The following NLGN4X variants were observed in gnomAD, a reference collection of about 807,000 sequenced individuals.
NLGN4X encodes the protein neuroligin-4, X-linked.
Under a neutral mutation model 40.3 loss-of-function variants are expected in NLGN4X, and 3 were observed. That is an observed-to-expected ratio of 0.07 (90% CI 0.03 to 0.19). The LOEUF is 0.19. Ranked by LOEUF, NLGN4X falls within the 10% of genes least tolerant of loss-of-function variation. The pLI, the probability that NLGN4X is intolerant of heterozygous loss-of-function variation, is 1.00. For missense variants in NLGN4X, 382 were observed against 708.3 expected, an observed-to-expected ratio of 0.54 and a Z score of 5.23; for synonymous variants, 270 against 306.8, an observed-to-expected ratio of 0.88 and a Z score of 1.25.
At chrX:5,908,264 TAGAATCTACTTCTACCC>T (rs757283717) in intron 4 of NLGN4X, among the ~76,000 whole-genome samples, 2 of 109,939 alleles carry the variant, frequency 1.8e-5, no homozygotes, top group African/African-American at 6.6e-5. Context: ...TTCCTCTGGG[TAGAATCTACTTCTACCC>T]AGAATCTACT....
chrX:6,150,402 C>T (rs773131941), intron 2 of NLGN4X, among the ~76,000 whole-genome samples: 1 of 112,100 alleles, frequency 8.9e-6, no homozygotes, highest in Admixed American at 9.5e-5. Context: ...TACATTTTGC[C>T]ACTTGATTGC....
Position 6,151,044 on chromosome X carries a change from A to G in NLGN4X, c.423T>C (p.Asp141=). The G allele has an allele frequency of 8.3e-7, 1 of 1,211,887 alleles. No individual in the cohort carries two copies. The highest frequency in any genetic ancestry group is 3.0e-5 in the East Asian group (1 of 33,830). The part of the protein sequence containing the change: ...NLDTLMTYVQ[D]QNEDCLYLNI... ...TTAAGTAAAGGCAGTCTTCATTTTG[A>G]TCTTGAACATAGGTCATCAAAGTAT... Residue 141 remains aspartate, a synonymous_variant, in exon 2 of 6, where the codon GAT becomes GAC. Coordinates refer to ENST00000381095, the MANE Select transcript of NLGN4X (RefSeq NM_181332.3).
At chrX:6,023,427 G>C (rs1384320358) in intron 3 of NLGN4X, among the ~76,000 whole-genome samples, 1 of 112,373 alleles carries the variant, frequency 8.9e-6, no homozygotes, top group Non-Finnish European at 1.9e-5. Flanking sequence ...TGATGCTAAA[G>C]TGATACTCAA....
At chrX:6,032,999 T>C (rs2147232883) in intron 2 of NLGN4X, among the ~76,000 whole-genome samples, 1 of 108,293 alleles carries the variant, frequency 9.2e-6, no homozygotes, top group Admixed American at 1.0e-4. Context: ...ATATTAGATA[T>C]CCTGTGAATA....
intron 2 of NLGN4X, among the ~76,000 whole-genome samples, chrX:6,082,109 A>C (rs1159902296): frequency 2.7e-5 from 3 of 112,243 alleles, no homozygotes; most frequent in African/African-American, 9.7e-5. Flanking sequence ...TTTTTACCTA[A>C]ATTGTCTCAA....
chrX:6,060,737 C>T (rs773074896), intron 2 of NLGN4X, among the ~76,000 whole-genome samples: 94 of 111,638 alleles, frequency 8.4e-4, no homozygotes, highest in Non-Finnish European at 1.6e-3. Context: ...ACCCATGTGA[C>T]AATAATGGCC....
chrX:6,149,283 T>C (rs1229103356), intron 2 of NLGN4X, among the ~76,000 whole-genome samples: 3 of 112,060 alleles, frequency 2.7e-5, no homozygotes, highest in Non-Finnish European at 5.6e-5. Context: ...AACTCCTATA[T>C]GAGGAGGCCT....
intron 3 of NLGN4X, among the ~76,000 whole-genome samples, chrX:6,021,051 TCCCTCC>T (rs2036530992): frequency 4.3e-5 from 1 of 23,405 alleles, no homozygotes; most frequent in African/African-American, 2.3e-4. Flanking sequence ...TCTCTCTCCC[TCCCTCC>T]CTCCCTCCCT....
At chrX:6,041,131 C>T (rs2037146250) in intron 2 of NLGN4X, among the ~76,000 whole-genome samples, 1 of 111,092 alleles carries the variant, frequency 9.0e-6, no homozygotes, top group Non-Finnish European at 1.9e-5. Flanking sequence ...CATGAAGAGT[C>T]TATACTAGCC....
At position 6,165,568 on chromosome X, in the gene NLGN4X, TGAA is replaced by T. The variant is rs753401256; in HGVS notation, c.-305-13800_-305-13798del. ...CCAAGCTTTTTAAATGAAAATAACA[TGAA>T]GATTCTAATCTGCCAGATTCTTCAC... On this transcript the variant is annotated intron_variant, in intron 1 of 5. Coordinates refer to ENST00000381095, the MANE Select transcript of NLGN4X (RefSeq NM_181332.3). Among the ~76,000 whole-genome samples the T allele has an allele frequency of 1.2e-4, 13 of 112,103 alleles. No homozygotes were observed. The East Asian group carries it at 3.7e-3, about 32-fold the overall frequency.
intron 3 of NLGN4X, among the ~76,000 whole-genome samples, chrX:5,928,448 G>A (rs182317849): frequency 1.2e-4 from 13 of 112,099 alleles, no homozygotes; most frequent in Admixed American, 3.8e-4. Flanking sequence ...TGATGAGGAC[G>A]AGGATGATCT....
chrX:6,042,593 G>A (rs770854320), intron 2 of NLGN4X, among the ~76,000 whole-genome samples: 2 of 98,886 alleles, frequency 2.0e-5, no homozygotes, highest in South Asian at 9.6e-4. Context: ...TGTTTATTAA[G>A]AAAAGTCATG....
At chrX:6,206,505 A>T (rs1037866635) in intron 1 of NLGN4X, among the ~76,000 whole-genome samples, 2 of 112,088 alleles carry the variant, frequency 1.8e-5, no homozygotes, top group African/African-American at 6.5e-5. Flanking sequence ...AAAGAATCAC[A>T]AGGCTTATGT....
At chrX:5,902,276 C>T (rs759982839) in intron 5 of NLGN4X, among the ~76,000 whole-genome samples, 1 of 111,294 alleles carries the variant, frequency 9.0e-6, no homozygotes, top group African/African-American at 3.3e-5. Context: ...GTAGTCCCAG[C>T]TATTCAGAAG....
At chrX:5,983,803 AG>A (rs1466635542) in intron 3 of NLGN4X, among the ~76,000 whole-genome samples, 2 of 111,524 alleles carry the variant, frequency 1.8e-5, no homozygotes, top group Admixed American at 1.9e-4. Flanking sequence ...AATAGTAGCT[AG>A]GCATGGTGGC....
Position 6,107,221 on chromosome X carries a change from G to T in NLGN4X, c.472+43774C>A, listed in dbSNP as rs1236197922. ...ATGGCTTATTCCAGCCGCTCTTGTG[G>T]TGATCTGCTCTGCCTAGACTTCAGC... is the stretch of plus-strand genomic sequence containing the variant. On this transcript the variant is annotated intron_variant, in intron 2 of 5. Coordinates refer to ENST00000381095, the MANE Select transcript of NLGN4X (RefSeq NM_181332.3). Among the ~76,000 whole-genome samples the T allele has an allele frequency of 2.7e-5, 3 of 111,882 alleles. No homozygotes were observed. The Admixed American group carries it at 2.9e-4, about 11-fold the overall frequency.
At chrX:6,169,926 G>A (rs1046443068) in intron 1 of NLGN4X, among the ~76,000 whole-genome samples, 2 of 111,761 alleles carry the variant, frequency 1.8e-5, no homozygotes, top group Non-Finnish European at 3.8e-5. Context: ...ACTGAGTGAT[G>A]AAGTTGGCTC....
chrX:6,090,251 A>G (rs1168372847), intron 2 of NLGN4X, among the ~76,000 whole-genome samples: 1 of 111,391 alleles, frequency 9.0e-6, no homozygotes, highest in East Asian at 2.8e-4. Flanking sequence ...GAATAAATAT[A>G]TATTGTATAT....
chrX:6,032,229 C>T lies in NLGN4X; in HGVS notation c.473-2797G>A, dbSNP rs1273567681. 4.4e-4 allele frequency among the ~76,000 whole-genome samples: 38 copies of T among 85,611 alleles called. No homozygotes were observed. In the East Asian group the frequency reaches 7.3e-3, roughly 16 times the overall value. The allele number at this position is 85,611 out of a possible 115,157, so 74.3% of individuals were successfully genotyped here. ...AAAAAAAAAACTGATATTTCAGCCC[C>T]CCCCCCCCCAAAAAAAATTCTTCTA... On this transcript the variant is annotated intron_variant, in intron 2 of 5. Coordinates refer to ENST00000381095, the MANE Select transcript of NLGN4X (RefSeq NM_181332.3).
Sources: allele counts gnomAD v4.1 joint callset (sites outside exome capture counted in the v4.1 genomes callset), GRCh38; gene constraint gnomAD v4.1.1; transcripts MANE v1.5; gene names NCBI Gene and HGNC (gene_info 2026-07-23, HGNC 2026-07-21).